The following KDM2B variants were observed in gnomAD, a reference collection of about 807,000 sequenced individuals.
KDM2B encodes lysine-specific demethylase 2B.
KDM2B carries 26 observed loss-of-function variants against 150.0 expected under a neutral mutation model. The ratio of observed to expected loss-of-function variants is 0.17; its 90% CI spans 0.13 to 0.24. KDM2B has a LOEUF of 0.24. KDM2B is among the 10% of genes least tolerant of loss of function. The pLI, the probability that KDM2B is intolerant of heterozygous loss-of-function variation, is 1.00. For synonymous variants in KDM2B, 734 were observed against 729.5 expected (o/e 1.01, Z -0.10); for missense variants, 1,265 against 1,816.9 (o/e 0.70, Z 5.52).
At chr12:121,423,700 A>G in the KDM2B span, 1 of 824,502 alleles carries the variant, frequency 1.2e-6, no homozygotes, top group Non-Finnish European at 1.9e-6. The surrounding 1 kb of genome is among the most constrained non-coding windows in gnomAD (Gnocchi z 4.3). Context: ...TTGACTACTA[A>G]GTGGGGACAG....
intron 4 of KDM2B, among the ~76,000 whole-genome samples, chr12:121,552,212 C>T (rs1439641997): frequency 6.6e-6 from 1 of 152,214 alleles, no homozygotes; most frequent in Admixed American, 6.5e-5. Flanking sequence ...CAATTACACC[C>T]ATTTAATGGA....
intron 8 of KDM2B, among the ~76,000 whole-genome samples, chr12:121,528,636 C>T (rs781937423): frequency 4.6e-5 from 7 of 152,224 alleles, no homozygotes; most frequent in Non-Finnish European, 7.4e-5. Flanking sequence ...TGAATTCTAT[C>T]AGACATTCAA....
the KDM2B span, among the ~76,000 whole-genome samples, chr12:121,409,005 T>C: frequency 2.6e-5 from 4 of 151,678 alleles, no homozygotes; most frequent in African/African-American, 9.7e-5. Context: ...GGAGTCTTGC[T>C]CGGTCACCCA....
chr12:121,458,339 G>A (rs1438047765), intron 12 of KDM2B, among the ~76,000 whole-genome samples: 1 of 152,124 alleles, frequency 6.6e-6, no homozygotes, highest in African/African-American at 2.4e-5. Context: ...TCAAGCCACT[G>A]CATCCAACCT....
intron 13 of KDM2B, among the ~76,000 whole-genome samples, chr12:121,447,687 G>A (rs1252229430): frequency 2.0e-5 from 3 of 151,576 alleles, no homozygotes; most frequent in Admixed American, 6.6e-5. Flanking sequence ...TTGTTGAGAC[G>A]GTGTCTTGCT....
chr12:121,423,577 A>T, the KDM2B span: 13 of 1,611,920 alleles, frequency 8.1e-6, no homozygotes, highest in Non-Finnish European at 8.5e-6. The surrounding 1 kb of genome is among the most constrained non-coding windows in gnomAD (Gnocchi z 4.3). Flanking sequence ...CAAGTCCTGA[A>T]ACAGGCTCCC....
intron 4 of KDM2B, among the ~76,000 whole-genome samples, chr12:121,568,961 A>G (rs1890903341): frequency 6.6e-6 from 1 of 151,690 alleles, no homozygotes; most frequent in South Asian, 2.1e-4. Flanking sequence ...TGCAGCCCCG[A>G]GTTGTGTCCT....
Position 121,442,990 on chromosome 12 carries a change from AC to A in KDM2B, c.2604+1del. On this transcript the variant is annotated splice_donor_variant, in intron 18 of 22. Transcript: ENST00000377071. LOFTEE classifies it high-confidence loss of function. The surrounding 1 kb of genome is among the most constrained non-coding windows in gnomAD (Gnocchi z 7.7). Reference sequence around the variant, plus strand: ...GGCACAGGAGGGAGGGGAAGATGGTACCTTTTTCCTGAAAAGCTTATCTTCT... The same window carrying A: ...GGCACAGGAGGGAGGGGAAGATGGTACTTTTTCCTGAAAAGCTTATCTTCT... The A allele has an allele frequency of 6.2e-7, 1 of 1,613,260 alleles. No individual in the cohort carries two copies. The highest frequency in any genetic ancestry group is 8.5e-7 in the Non-Finnish European group (1 of 1,179,686).
At chr12:121,420,310 T>A in the KDM2B span, 1,056 of 1,579,788 alleles carry the variant, frequency 6.7e-4, 15 homozygotes, top group Middle Eastern at 1.7e-4. Context: ...ATGATGATGA[T>A]GAAGAAGAAA....
At chr12:121,502,277 G>A (rs1293965773) in intron 11 of KDM2B, among the ~76,000 whole-genome samples, 3 of 152,162 alleles carry the variant, frequency 2.0e-5, no homozygotes, top group Non-Finnish European at 2.9e-5. Flanking sequence ...AAGAGCATTC[G>A]GCTGGTTTAC....
Position 121,453,080 on chromosome 12 carries a change from G to C in KDM2B, c.1959+40C>G, listed in dbSNP as rs1566282286. The C allele has an allele frequency of 1.3e-6, 2 of 1,534,290 alleles. No homozygotes were observed. The highest frequency in any genetic ancestry group is 1.8e-6 in the Non-Finnish European group (2 of 1,135,256). ...CAGACACGCGGGCCGGCACGCAGGG[G>C]CCTGAATCGAGCGCAGGGCTGGGCG... On this transcript the variant is annotated intron_variant, in intron 13 of 22. Coordinates refer to ENST00000377071, the MANE Select transcript of KDM2B (RefSeq NM_032590.5). This position sits in a 1 kb window ranked among gnomAD's most constrained non-coding sequence, Gnocchi z 6.4.
intron 6 of KDM2B, chr12:121,536,161 G>A: frequency 1.1e-6 from 1 of 933,554 alleles, no homozygotes; most frequent in Middle Eastern, 5.5e-4. Context: ...TTAGAAGGCG[G>A]AGGGCTCCTG....
intron 7 of KDM2B, 82 bp downstream of exon 7, chr12:121,534,413 TGG>T: frequency 1.1e-6 from 1 of 919,432 alleles, no homozygotes; most frequent in Non-Finnish European, 1.8e-6. Flanking sequence ...AGGAGGGAGG[TGG>T]GAGGAGAGGG....
chr12:121,513,790 T>C lies in KDM2B; in HGVS notation c.1048-388A>G, dbSNP rs372095366. 1.3e-5 allele frequency among the ~76,000 whole-genome samples: 2 copies of C among 152,152 alleles called. No individual in the cohort carries two copies. Among genetic ancestry groups the C allele is most frequent in the Non-Finnish European group, 2.9e-5 (2 of 68,016 alleles). On this transcript the variant is annotated intron_variant, in intron 9 of 22. Coordinates refer to ENST00000377071, the MANE Select transcript of KDM2B (RefSeq NM_032590.5). This position sits in a 1 kb window ranked among gnomAD's most constrained non-coding sequence, Gnocchi z 5.0. ...TACAACAGACATAGGTTCCTCCTTGTTTCTGAAAATTCCTGCACAGATTCT... is the reference window on the plus strand; with the variant it reads ...TACAACAGACATAGGTTCCTCCTTGCTTCTGAAAATTCCTGCACAGATTCT...
chr12:121,571,205 T>C, intron 4 of KDM2B, among the ~76,000 whole-genome samples: 1 of 152,178 alleles, frequency 6.6e-6, no homozygotes, highest in East Asian at 1.9e-4. Flanking sequence ...ATTGATACAG[T>C]GTTTCTTTTG....
chr12:121,549,047 T>A lies in KDM2B; in HGVS notation c.577-64A>T. ...TGCCGAGCCAGACACAAATACCCCT[T>A]TCCCCGGAGAGTCCTTGGGCCCCCC... On this transcript the variant is annotated intron_variant, in intron 5 of 22. Coordinates refer to ENST00000377071, the MANE Select transcript of KDM2B (RefSeq NM_032590.5). This position sits in a 1 kb window ranked among gnomAD's most constrained non-coding sequence, Gnocchi z 4.4. 7.4e-7 allele frequency: 1 copy of A among 1,355,004 alleles called. No homozygotes were observed. Among genetic ancestry groups the A allele is most frequent in the Non-Finnish European group, 1.1e-6 (1 of 948,948 alleles). 83.9% of individuals were successfully genotyped at this position (1,355,004 alleles called of 1,614,324 possible).
intron 22 of KDM2B, among the ~76,000 whole-genome samples, chr12:121,439,266 C>G (rs1555287534): frequency 6.6e-6 from 1 of 152,168 alleles, no homozygotes; most frequent in African/African-American, 2.4e-5. Flanking sequence ...TTCTGCACCC[C>G]CTCGGGAAGC....
At chr12:121,544,007 G>C (rs914536375) in intron 6 of KDM2B, among the ~76,000 whole-genome samples, 1 of 151,274 alleles carries the variant, frequency 6.6e-6, no homozygotes, top group South Asian at 2.1e-4. Flanking sequence ...CCAGCTGCTC[G>C]GGAGGCTGAG....
chr12:121,538,464 C>T (rs1888344672), intron 6 of KDM2B, among the ~76,000 whole-genome samples: 1 of 152,090 alleles, frequency 6.6e-6, no homozygotes, highest in Non-Finnish European at 1.5e-5. Context: ...CAACTCACTT[C>T]CCCTCTCTGA....
Sources: allele counts gnomAD v4.1 joint callset (sites outside exome capture counted in the v4.1 genomes callset), GRCh38; gene constraint gnomAD v4.1.1; non-coding constraint Gnocchi (gnomAD v3.1); transcripts MANE v1.5; gene names NCBI Gene and HGNC (gene_info 2026-07-23, HGNC 2026-07-21).